WDR25: variants seen among roughly 807,000 people sequenced by gnomAD.
WDR25 encodes the protein WD repeat-containing protein 25.
In WDR25, 35 loss-of-function variants were observed where a neutral mutation model predicts 47.7. The ratio of observed to expected loss-of-function variants is 0.73; its 90% CI spans 0.56 to 0.97. The LOEUF (loss-of-function observed/expected upper bound fraction) is 0.97, where lower values mean the gene tolerates loss of function less well. Among genes scored for constraint, WDR25 ranks in the 50% least tolerant of loss-of-function variants. WDR25 has a pLI of 0.00. For missense variants in WDR25, 634 were observed against 704.7 expected (o/e 0.90, Z 1.14); for synonymous variants, 248 against 278.9 (o/e 0.89, Z 1.10).
intron 5 of WDR25, among the ~76,000 whole-genome samples, chr14:100,528,155 C>A (rs544271476): frequency 6.6e-6 from 1 of 152,274 alleles, no homozygotes; most frequent in South Asian, 2.1e-4. Context: ...ATAAATTACA[C>A]AAACTTGGTG....
chr14:100,403,880 G>A (rs889197260), intron 2 of WDR25, among the ~76,000 whole-genome samples: 2 of 152,126 alleles, frequency 1.3e-5, no homozygotes, highest in Admixed American at 6.5e-5. Flanking sequence ...TGCTTGGCTG[G>A]CAGCTTCCGG....
At chr14:100,444,397 A>G (rs1898761913) in intron 2 of WDR25, among the ~76,000 whole-genome samples, 3 of 152,334 alleles carry the variant, frequency 2.0e-5, no homozygotes, top group Middle Eastern at 3.4e-3. Flanking sequence ...GAACCGCAGG[A>G]TGGACATCTC....
chr14:100,428,503 G>A lies in WDR25; in HGVS notation c.823-39518G>A, dbSNP rs1270520242. Reference sequence around the variant, plus strand: ...ATGGGGGACAGTGCCTGAGCGCCGGGGGCTGCACATGGTGCCTGTCTCTCT... The same window carrying A: ...ATGGGGGACAGTGCCTGAGCGCCGGAGGCTGCACATGGTGCCTGTCTCTCT... On this transcript the variant is annotated intron_variant, in intron 2 of 6. Coordinates refer to ENST00000402312, the MANE Select transcript of WDR25 (RefSeq NM_001161476.3). This position sits in a 1 kb window ranked among gnomAD's most constrained non-coding sequence, Gnocchi z 4.3. 1.3e-5 allele frequency among the ~76,000 whole-genome samples: 2 copies of A among 152,156 alleles called. No individual in the cohort carries two copies. The highest frequency in any genetic ancestry group is 2.9e-5 in the Non-Finnish European group (2 of 68,036).
rs1008613625 is a variant in WDR25 at position 100,437,922 on chromosome 14, C to CT, written c.823-30093dup. On this transcript the variant is annotated intron_variant, in intron 2 of 6. Coordinates refer to ENST00000402312, the MANE Select transcript of WDR25 (RefSeq NM_001161476.3). ...CTCCCTCTGTCCTTGCCTTCTCATCCTTTTTTCTCCTGACACACCATTGTT... is the reference window on the plus strand; with the variant it reads ...CTCCCTCTGTCCTTGCCTTCTCATCCTTTTTTTCTCCTGACACACCATTGTT... 3.6e-4 allele frequency among the ~76,000 whole-genome samples: 55 copies of CT among 152,134 alleles called. 1 individual carries two copies. The highest frequency in any genetic ancestry group is 1.2e-3 in the African/African-American group (50 of 41,418).
intron 2 of WDR25, among the ~76,000 whole-genome samples, chr14:100,391,047 C>T (rs529571627): frequency 6.6e-6 from 1 of 152,244 alleles, no homozygotes; most frequent in East Asian, 1.9e-4. Flanking sequence ...CAATATTGAC[C>T]TTTCATCATA....
intron 5 of WDR25, among the ~76,000 whole-genome samples, chr14:100,526,899 ACT>A: frequency 1.3e-5 from 1 of 75,146 alleles, no homozygotes; most frequent in African/African-American, 6.1e-5. Context: ...CACCACCTCC[ACT>A]GTCATCATTG....
At chr14:100,385,714 G>A (rs530963770) in intron 2 of WDR25, among the ~76,000 whole-genome samples, 4 of 152,196 alleles carry the variant, frequency 2.6e-5, no homozygotes, top group South Asian at 4.2e-4. Flanking sequence ...GTCTGTGAAC[G>A]TGCTTGTTTT....
chr14:100,495,106 C>A (rs1212742614), intron 4 of WDR25, among the ~76,000 whole-genome samples: 2 of 152,206 alleles, frequency 1.3e-5, no homozygotes, highest in Non-Finnish European at 2.9e-5. Context: ...CCTGTAATCC[C>A]AGCACTTTGG....
chr14:100,527,556 C>G (rs913714263), intron 5 of WDR25, among the ~76,000 whole-genome samples: 2 of 152,246 alleles, frequency 1.3e-5, no homozygotes, highest in South Asian at 4.1e-4. Context: ...ACTTCTAGAC[C>G]TCCACTGCAG....
rs1322988361 is a variant in WDR25 at position 100,424,228 on chromosome 14, A to G, written c.822+42482A>G. ...GCACTTCGATGCCCACACTACTTCCAGGGAGCTGAGTTTCAGAGCCTGTGG... is the reference window on the plus strand; with the variant it reads ...GCACTTCGATGCCCACACTACTTCCGGGGAGCTGAGTTTCAGAGCCTGTGG... On this transcript the variant is annotated intron_variant, in intron 2 of 6. Transcript: ENST00000402312. The surrounding 1 kb of genome is among the most constrained non-coding windows in gnomAD (Gnocchi z 4.2). Among the ~76,000 whole-genome samples the G allele has an allele frequency of 1.3e-5, 2 of 152,162 alleles. No homozygotes were observed. The highest frequency in any genetic ancestry group is 2.9e-5 in the Non-Finnish European group (2 of 68,008).
chr14:100,459,923 TATATATATATATATATACACATACAC>T (rs1899338004), intron 2 of WDR25, among the ~76,000 whole-genome samples: 1 of 102,116 alleles, frequency 9.8e-6, no homozygotes, highest in African/African-American at 4.4e-5. Context: ...TATATATATA[TATATATATATATATATACACATACAC>T]ATACACACAC....
chr14:100,515,803 T>A (rs1046970718), intron 4 of WDR25, among the ~76,000 whole-genome samples: 225 of 149,274 alleles, frequency 1.5e-3, no homozygotes, highest in African/African-American at 5.3e-3. Flanking sequence ...TTTTTTTTTT[T>A]TTTTTTGTAT....
At chr14:100,420,711 A>T (rs1898001805) in intron 2 of WDR25, among the ~76,000 whole-genome samples, 1 of 152,230 alleles carries the variant, frequency 6.6e-6, no homozygotes, top group South Asian at 2.1e-4. Context: ...CTGTCCCATG[A>T]TGTGGTGTTC....
intron 2 of WDR25, among the ~76,000 whole-genome samples, chr14:100,416,483 A>G (rs1265993188): frequency 6.6e-6 from 1 of 152,086 alleles, no homozygotes; most frequent in Non-Finnish European, 1.5e-5. Context: ...CCTATCACAA[A>G]CTGCCTGCTG....
intron 2 of WDR25, chr14:100,454,515 TAC>T: frequency 8.6e-7 from 1 of 1,165,544 alleles, no homozygotes; most frequent in Non-Finnish European, 1.1e-6. Context: ...CTATAAACTG[TAC>T]AACAGCAACA....
In WDR25 at chr14:100,514,594, C is replaced by G. The variant is rs1207706810; in HGVS notation, c.1102-11276C>G. ...TCTGCATTTAAGTCACATTATATCT[C>G]TTTTTCTGTAAGAACCTTAGAGCAG... On this transcript the variant is annotated intron_variant, in intron 4 of 6. Transcript: ENST00000402312. Among the ~76,000 whole-genome samples, 6 of 152,060 alleles carry G rather than the reference C, an allele frequency of 3.9e-5. No homozygotes were observed. In the East Asian group the frequency reaches 1.2e-3, roughly 29 times the overall value.
At chr14:100,402,631 G>A (rs1049345988) in intron 2 of WDR25, among the ~76,000 whole-genome samples, 2 of 152,196 alleles carry the variant, frequency 1.3e-5, no homozygotes, top group Non-Finnish European at 2.9e-5. Context: ...AGGCTCAACT[G>A]TGTTCTCTGA....
At chr14:100,390,412 T>TGTGTGTGTGTGTGC (rs1897116440) in intron 2 of WDR25, among the ~76,000 whole-genome samples, 1 of 151,832 alleles carries the variant, frequency 6.6e-6, no homozygotes, top group Admixed American at 6.6e-5. Context: ...TGTGTGTGTG[T>TGTGTGTGTGTGTGC]GTGTGTGTGT....
chr14:100,503,116 T>A (rs1000136302), intron 4 of WDR25, among the ~76,000 whole-genome samples: 1 of 151,898 alleles, frequency 6.6e-6, no homozygotes, highest in Admixed American at 6.6e-5. Context: ...CAAGGTCAGC[T>A]TGGCTGCCCA....
Sources: allele counts gnomAD v4.1 joint callset (sites outside exome capture counted in the v4.1 genomes callset), GRCh38; gene constraint gnomAD v4.1.1; non-coding constraint Gnocchi (gnomAD v3.1); transcripts MANE v1.5; gene names NCBI Gene and HGNC (gene_info 2026-07-23, HGNC 2026-07-21).